Variants in RNF150 observed in about 807,000 individuals in gnomAD.
The protein encoded by RNF150 is ring finger protein 150.
RNF150 carries 24 observed loss-of-function variants against 39.3 expected under a neutral mutation model. The observed-to-expected ratio is 0.61, with a 90% CI of 0.44 to 0.86. RNF150 has a LOEUF of 0.86. Among genes scored for constraint, RNF150 ranks in the 40% least tolerant of loss-of-function variants. The probability of loss-of-function intolerance (pLI) is 0.00; values close to 1 mark genes in which losing one functional copy is unlikely to be tolerated. For synonymous variants in RNF150, 255 were observed against 227.3 expected (o/e 1.12, Z -1.10); for missense variants, 502 against 587.8 (o/e 0.85, Z 1.51).
intron 1 of RNF150, among the ~76,000 whole-genome samples, chr4:141,058,537 T>C (rs1737084403): frequency 6.6e-6 from 1 of 152,174 alleles, no homozygotes; most frequent in Non-Finnish European, 1.5e-5. Flanking sequence ...TCCACCTTCA[T>C]GTAGTGGTAG....
At chr4:141,112,259 T>G (rs1017769471) in intron 1 of RNF150, among the ~76,000 whole-genome samples, 4 of 152,232 alleles carry the variant, frequency 2.6e-5, no homozygotes, top group Admixed American at 1.3e-4. Context: ...GTGAATTTGA[T>G]CCTGTCATTA....
upstream of RNF150, among the ~76,000 whole-genome samples, chr4:141,135,716 C>A (rs1727018197): frequency 6.6e-6 from 1 of 152,184 alleles, no homozygotes; most frequent in Non-Finnish European, 1.5e-5. Context: ...TCAATGGATA[C>A]TAAGGCTGAT....
intron 1 of RNF150, among the ~76,000 whole-genome samples, chr4:141,082,596 A>T (rs1026127428): frequency 8.0e-5 from 12 of 149,932 alleles, no homozygotes; most frequent in South Asian, 4.2e-4. Context: ...TTTATTTTTT[A>T]TTTTTTTTTT....
intron 4 of RNF150, among the ~76,000 whole-genome samples, chr4:140,938,005 C>A (rs1731923165): frequency 6.6e-6 from 1 of 152,164 alleles, no homozygotes; most frequent in Non-Finnish European, 1.5e-5. Context: ...AAAATCAGGA[C>A]AGGTCATCTC....
intron 1 of RNF150, among the ~76,000 whole-genome samples, chr4:141,068,874 A>G (rs370974425): frequency 2.3e-3 from 286 of 125,810 alleles, no homozygotes; most frequent in Non-Finnish European, 3.9e-3. Context: ...TGTTGTTGGT[A>G]TATAAGAATG....
At chr4:141,108,167 C>T (rs946771692) in intron 1 of RNF150, among the ~76,000 whole-genome samples, 1 of 152,210 alleles carries the variant, frequency 6.6e-6, no homozygotes, top group Admixed American at 6.5e-5. Context: ...CCCTTGGCTG[C>T]TTCAGACTTA....
intron 1 of RNF150, among the ~76,000 whole-genome samples, chr4:141,142,061 T>C (rs1727125750): frequency 1.3e-5 from 2 of 152,200 alleles, no homozygotes; most frequent in Non-Finnish European, 2.9e-5. Flanking sequence ...GTTTTTTTAA[T>C]GGGTTCCCTA....
chr4:140,924,995 A>G (rs1055443422), intron 5 of RNF150, among the ~76,000 whole-genome samples: 2 of 152,294 alleles, frequency 1.3e-5, no homozygotes, highest in Non-Finnish European at 2.9e-5. Flanking sequence ...AACCTTTGAT[A>G]TGGGATCTGA....
chr4:141,073,694 C>T (rs1188355587), intron 1 of RNF150, among the ~76,000 whole-genome samples: 3 of 151,512 alleles, frequency 2.0e-5, no homozygotes, highest in Non-Finnish European at 4.4e-5. Context: ...AAATGGCAGG[C>T]AAGTATAATT....
rs1249205511 is a variant in RNF150 at position 140,947,686 on chromosome 4, C to T, written c.858G>A (p.Lys286=). ...DNCAVCIEGY[K]PNDVVRILPC... ...GCAGGATCCGGACAACGTCATTGGGCTTGTACCCTTCAATACAAACTGCAC... is the reference window on the plus strand; with the variant it reads ...GCAGGATCCGGACAACGTCATTGGGTTTGTACCCTTCAATACAAACTGCAC... Residue 286 remains lysine (K), a synonymous_variant, in exon 4 of 7, where the codon AAG becomes AAA. Coordinates refer to ENST00000515673, the MANE Select transcript of RNF150 (RefSeq NM_020724.2). 11 of 1,608,646 alleles carry T rather than the reference C, an allele frequency of 6.8e-6. No homozygotes were observed. The highest frequency in any genetic ancestry group is 8.5e-6 in the Non-Finnish European group (10 of 1,178,042).
chr4:141,104,118 AG>A (rs1311097549), intron 1 of RNF150, among the ~76,000 whole-genome samples: 6 of 152,146 alleles, frequency 3.9e-5, no homozygotes, highest in Non-Finnish European at 7.3e-5. Flanking sequence ...GTGAAGGTCA[AG>A]TTTCCTTAAT....
rs149038621 is a variant in RNF150, at chr4:140,993,445, T to A, written c.485-25572A>T. On this transcript the variant is annotated intron_variant, in intron 1 of 6. Coordinates refer to ENST00000515673, the MANE Select transcript of RNF150 (RefSeq NM_020724.2). Reference sequence around the variant, plus strand: ...CACATCTGGGAAGTCCCTTTTGACATGTAAGGTAATGTATTCACAGGTTCT... The same window carrying A: ...CACATCTGGGAAGTCCCTTTTGACAAGTAAGGTAATGTATTCACAGGTTCT... Among the ~76,000 whole-genome samples, 5 of 152,290 alleles carry A rather than the reference T, an allele frequency of 3.3e-5. No individual in the cohort carries two copies. In the East Asian group the frequency reaches 9.7e-4, roughly 29 times the overall value.
intron 1 of RNF150, among the ~76,000 whole-genome samples, chr4:141,004,460 G>C (rs1049183176): frequency 6.6e-6 from 1 of 151,970 alleles, no homozygotes; most frequent in Non-Finnish European, 1.5e-5. Flanking sequence ...TGAAGAGGCA[G>C]GAAATTATAA....
intron 4 of RNF150, among the ~76,000 whole-genome samples, chr4:140,940,390 A>AGTGT (rs3033129): frequency 6.6e-6 from 1 of 151,104 alleles, no homozygotes; most frequent in Admixed American, 6.6e-5. Flanking sequence ...TAGCAGAAAA[A>AGTGT]GTGTGTGTGT....
chr4:140,971,013 G>T (rs571617403), intron 1 of RNF150, among the ~76,000 whole-genome samples: 1 of 152,084 alleles, frequency 6.6e-6, no homozygotes, highest in East Asian at 1.9e-4. Flanking sequence ...GGTATCTAGG[G>T]TGTCCAAAAA....
chr4:141,057,882 T>C (rs1737047557), intron 1 of RNF150, among the ~76,000 whole-genome samples: 1 of 152,048 alleles, frequency 6.6e-6, no homozygotes, highest in Non-Finnish European at 1.5e-5. Flanking sequence ...AAGACTAAAC[T>C]TCACTATGTT....
intron 6 of RNF150, among the ~76,000 whole-genome samples, chr4:140,902,818 C>T (rs1433243086): frequency 6.6e-6 from 1 of 152,214 alleles, no homozygotes; most frequent in African/African-American, 2.4e-5. Flanking sequence ...GCCAACTGTG[C>T]TGCTGTTCCA....
At position 141,172,039 on chromosome 4, in the gene RNF150, G is replaced by T. The variant is rs144669300; in HGVS notation, c.-6+40755C>A. ...ATACATAAGATCAATGTTTTCATTA[G>T]CTATTGCCACAATAATGCTCTCTAG... On this transcript the variant is annotated intron_variant, in intron 1 of 7. Coordinates refer to the RNF150 transcript ENST00000420921. Among the ~76,000 whole-genome samples the T allele has an allele frequency of 8.1e-4, 124 of 152,210 alleles. 4 individuals carry two copies. The highest frequency in any genetic ancestry group is 2.8e-3 in the African/African-American group (115 of 41,522).
chr4:140,984,180 T>C (rs1733948477), intron 1 of RNF150, among the ~76,000 whole-genome samples: 1 of 152,166 alleles, frequency 6.6e-6, no homozygotes, highest in Non-Finnish European at 1.5e-5. Flanking sequence ...ACTCAACCTG[T>C]ATTAATATCT....
Sources: gnomAD v4.1 joint callset for allele counts (sites outside exome capture counted in the v4.1 genomes callset) on GRCh38, gnomAD v4.1.1 for gene constraint, MANE v1.5 for transcripts, NCBI Gene and HGNC (gene_info 2026-07-23, HGNC 2026-07-21) for gene names.